Variants in PLCL2 observed in about 807,000 individuals in gnomAD.
PLCL2 encodes inactive phospholipase C-like protein 2.
PLCL2 carries 4 observed loss-of-function variants against 79.6 expected under a neutral mutation model. The ratio of observed to expected loss-of-function variants is 0.05; its 90% CI spans 0.02 to 0.11. PLCL2 has a LOEUF of 0.11. PLCL2 is among the 10% of genes least tolerant of loss of function. The pLI, the probability that PLCL2 is intolerant of heterozygous loss-of-function variation, is 1.00. For synonymous variants in PLCL2, 484 were observed against 457.7 expected (o/e 1.06, Z -0.73); for missense variants, 895 against 1,291.0 (o/e 0.69, Z 4.70).
chr3:16,895,050 A>G (rs1372549933), intron 1 of PLCL2, among the ~76,000 whole-genome samples: 1 of 151,978 alleles, frequency 6.6e-6, no homozygotes, highest in African/African-American at 2.4e-5. Context: ...ATATATAGAT[A>G]TGTTGAAACA....
chr3:17,065,270 T>C (rs1275582765), intron 4 of PLCL2, among the ~76,000 whole-genome samples: 2 of 152,138 alleles, frequency 1.3e-5, no homozygotes, highest in Non-Finnish European at 2.9e-5. Context: ...CAGCTACACT[T>C]GTTTCTTTAA....
chr3:16,951,187 C>T (rs1477676500), intron 1 of PLCL2, among the ~76,000 whole-genome samples: 1 of 151,956 alleles, frequency 6.6e-6, no homozygotes, highest in Non-Finnish European at 1.5e-5. Flanking sequence ...TGGTATAATT[C>T]ACCTAAAATG....
chr3:16,954,854 G>A (rs907153296), intron 1 of PLCL2, among the ~76,000 whole-genome samples: 4 of 152,154 alleles, frequency 2.6e-5, no homozygotes, highest in Non-Finnish European at 2.9e-5. Flanking sequence ...CAAGTCCTTT[G>A]CCCACTTTTT....
intron 4 of PLCL2, among the ~76,000 whole-genome samples, chr3:17,055,957 G>A (rs565359519): frequency 1.3e-5 from 2 of 152,268 alleles, no homozygotes; most frequent in South Asian, 2.1e-4. Context: ...ACAAATGAAG[G>A]GGAGGGAAGT....
chr3:17,088,863 C>T (rs958849501), intron 5 of PLCL2, among the ~76,000 whole-genome samples: 3 of 152,152 alleles, frequency 2.0e-5, no homozygotes, highest in South Asian at 2.1e-4. Flanking sequence ...TGCTTCAATT[C>T]GCCCACTGTT....
chr3:17,006,264 A>G (rs1397972240), intron 1 of PLCL2, among the ~76,000 whole-genome samples: 1 of 152,238 alleles, frequency 6.6e-6, no homozygotes, highest in African/African-American at 2.4e-5. Context: ...GAAATGAGTA[A>G]GAGTGGGATA....
chr3:16,957,172 A>G (rs922766141), intron 1 of PLCL2, among the ~76,000 whole-genome samples: 3 of 152,098 alleles, frequency 2.0e-5, no homozygotes, highest in African/African-American at 2.4e-5. Flanking sequence ...ATTTAGTGCT[A>G]TAAATTTCCC....
At chr3:16,986,697 C>T (rs1330944930) in intron 1 of PLCL2, among the ~76,000 whole-genome samples, 6 of 152,112 alleles carry the variant, frequency 3.9e-5, no homozygotes, top group Non-Finnish European at 2.9e-5. Flanking sequence ...GCCATCTCAC[C>T]TGGCCCCCTA....
chr3:17,071,895 C>G (rs1010410588), intron 5 of PLCL2, among the ~76,000 whole-genome samples: 1 of 151,666 alleles, frequency 6.6e-6, no homozygotes. Flanking sequence ...GGCACAATCT[C>G]GGCTCACTGC....
chr3:17,036,336 A>G (rs1208915335), intron 3 of PLCL2, among the ~76,000 whole-genome samples: 1 of 152,144 alleles, frequency 6.6e-6, no homozygotes, highest in Admixed American at 6.5e-5. Flanking sequence ...AGTACGTTGT[A>G]TTTTCCAACA....
chr3:17,001,069 A>C (rs900959772), intron 1 of PLCL2, among the ~76,000 whole-genome samples: 2 of 151,858 alleles, frequency 1.3e-5, no homozygotes, highest in Non-Finnish European at 2.9e-5. Context: ...CATCTACACC[A>C]GCTTTTTTTT....
At chr3:17,000,646 A>G (rs2064199565) in intron 1 of PLCL2, among the ~76,000 whole-genome samples, 1 of 152,022 alleles carries the variant, frequency 6.6e-6, no homozygotes, top group Non-Finnish European at 1.5e-5. Context: ...CCATGAGTTT[A>G]AGTTTTTTAG....
In PLCL2 at chr3:17,042,894, G is replaced by A. The variant is rs772114927; in HGVS notation, c.3039G>A (p.Ala1013=). ...TGCAGATGATTCAGTCCCTCAAGGC[G>A]TTGATTGAAAATGCAGATGCTGTAT... ...TYDMMIQSLK[A]LIENADAVYE... is the part of the protein sequence containing the mutation. Residue 1013 remains alanine (A), a synonymous_variant, in exon 4 of 6, where the codon GCG becomes GCA. Coordinates refer to ENST00000615277, the MANE Select transcript of PLCL2 (RefSeq NM_001144382.2). 13 of 1,612,090 alleles carry A rather than the reference G, an allele frequency of 8.1e-6. No homozygotes were observed. The highest frequency in any genetic ancestry group is 5.3e-5 in the African/African-American group (4 of 74,838).
intron 1 of PLCL2, among the ~76,000 whole-genome samples, chr3:16,925,203 G>A (rs529578480): frequency 2.7e-5 from 4 of 150,226 alleles, no homozygotes; most frequent in South Asian, 2.1e-4. Flanking sequence ...GATTACAGGC[G>A]TGAGCCACCG....
intron 1 of PLCL2, among the ~76,000 whole-genome samples, chr3:16,957,376 G>A (rs2063716104): frequency 1.3e-5 from 2 of 152,184 alleles, no homozygotes; most frequent in African/African-American, 2.4e-5. Context: ...TAGTTTGATT[G>A]CACTGTGGTC....
intron 1 of PLCL2, among the ~76,000 whole-genome samples, chr3:16,936,813 T>C (rs1697550628): frequency 6.6e-6 from 1 of 151,938 alleles, no homozygotes; most frequent in Non-Finnish European, 1.5e-5. Context: ...CAGGAAAAAA[T>C]GGGTATTGGA....
intron 4 of PLCL2, among the ~76,000 whole-genome samples, chr3:17,067,388 C>G (rs1268073627): frequency 6.6e-6 from 1 of 152,126 alleles, no homozygotes; most frequent in Non-Finnish European, 1.5e-5. Context: ...TTGTTTTGAA[C>G]AGCAGTAGGG....
intron 3 of PLCL2, among the ~76,000 whole-genome samples, chr3:17,029,456 A>G (rs989397245): frequency 6.6e-6 from 1 of 151,870 alleles, no homozygotes; most frequent in East Asian, 1.9e-4. Context: ...CTATGATAGG[A>G]GAGAAACCTG....
At chr3:16,899,681 CATGGT>C in intron 1 of PLCL2, among the ~76,000 whole-genome samples, 1 of 152,236 alleles carries the variant, frequency 6.6e-6, no homozygotes, top group African/African-American at 2.4e-5. Context: ...GCATGACTGA[CATGGT>C]AAGTAAAACC....
Sources: allele counts gnomAD v4.1 joint callset (sites outside exome capture counted in the v4.1 genomes callset), GRCh38; gene constraint gnomAD v4.1.1; transcripts MANE v1.5; gene names NCBI Gene and HGNC (gene_info 2026-07-23, HGNC 2026-07-21).